The following NSUN4 variants were observed in gnomAD, a reference collection of about 807,000 sequenced individuals.
NSUN4 encodes 5-cytosine rRNA methyltransferase NSUN4.
In NSUN4, 31 loss-of-function variants were observed where a neutral mutation model predicts 43.8. The ratio of observed to expected loss-of-function variants is 0.71; its 90% CI spans 0.53 to 0.96. NSUN4 has a LOEUF of 0.96. Ranked by LOEUF, NSUN4 falls within the 40% of genes least tolerant of loss-of-function variation. NSUN4 has a pLI of 0.00. For missense variants in NSUN4, 439 were observed against 475.6 expected (o/e 0.92, Z 0.72); for synonymous variants, 167 against 184.1 (o/e 0.91, Z 0.75).
At chr1:46,377,791 AT>A in the NSUN4 span, among the ~76,000 whole-genome samples, 1 of 152,206 alleles carries the variant, frequency 6.6e-6, no homozygotes, top group Admixed American at 6.5e-5. Context: ...ACGGCAACCA[AT>A]GGGGTAGTAC....
chr1:46,354,611 G>C (rs962830753), intron 4 of NSUN4, among the ~76,000 whole-genome samples: 1 of 151,834 alleles, frequency 6.6e-6, no homozygotes, highest in Non-Finnish European at 1.5e-5. Flanking sequence ...ATCTTAGATA[G>C]GCTTGAGACT....
chr1:46,361,787 C>A lies in NSUN4; in HGVS notation c.1096C>A (p.Pro366Thr). 6.2e-7 allele frequency: 1 copy of A among 1,614,112 alleles called. No individual in the cohort carries two copies. Among genetic ancestry groups the A allele is most frequent in the South Asian group, 1.1e-5 (1 of 91,080 alleles). The change falls in exon 6 of 6, where the codon CCA (proline) becomes ACA (threonine). Residue 366 changes from proline (P) to threonine (T), a missense_variant. Transcript: ENST00000474844. The part of the protein sequence containing the change: ...SSCQVGELVI[P>T]NLMANFGPMY... ...CTGTCAGGTTGGGGAGCTGGTAATA[C>A]CAAACCTCATGGCCAATTTTGGCCC...
chr1:46,360,634 A>G (rs781063513), intron 4 of NSUN4, 70 bp from the exon 5 acceptor site: 4 of 1,539,480 alleles, frequency 2.6e-6, no homozygotes, highest in Non-Finnish European at 3.5e-6. Context: ...AGGGGCCTAA[A>G]ACATCTCTGG....
chr1:46,347,213 G>A (rs528331487), intron 3 of NSUN4, 138 bp downstream of exon 3: 36 of 820,274 alleles, frequency 4.4e-5, no homozygotes, highest in East Asian at 1.6e-4. Context: ...CGAGGGAGGC[G>A]GACCACCTGA....
chr1:46,376,765 G>GT, the NSUN4 span, among the ~76,000 whole-genome samples: 93 of 146,812 alleles, frequency 6.3e-4, no homozygotes, highest in Admixed American at 2.5e-3. Flanking sequence ...CACTTACTAG[G>GT]TTTTTTTTTT....
chr1:46,344,753 G>GT lies in NSUN4; in HGVS notation c.94-47dup, dbSNP rs1181169811. ...TGAGGTGGGGGTCAGGTAGTAGGGG[G>GT]TAGAGTCAAGACTGGGAAAACCAAT... On this transcript the variant is annotated intron_variant, in intron 1 of 5. Transcript: ENST00000474844. 4 of 1,530,170 alleles carry GT rather than the reference G, an allele frequency of 2.6e-6. No homozygotes were observed. The African/African-American group carries it at 5.4e-5, about 21-fold the overall frequency. The allele number at this position is 1,530,170 out of a possible 1,614,324, so 94.8% of individuals were successfully genotyped here. A position where few individuals can be genotyped will look rare whatever the true frequency, so the allele number is the denominator to read the frequency against.
In NSUN4 at chr1:46,364,388, G is replaced by A. The variant is rs1664059896; in HGVS notation, c.*2542G>A. 6.7e-6 allele frequency: 1 copy of A among 149,082 alleles called. No homozygotes were observed. The highest frequency in any genetic ancestry group is 1.5e-5 in the Non-Finnish European group (1 of 67,462). The allele number at this position is 149,082 out of a possible 1,614,324, so 9.2% of individuals were successfully genotyped here. A position where few individuals can be genotyped will look rare whatever the true frequency, so the allele number is the denominator to read the frequency against. On this transcript the variant is annotated 3_prime_UTR_variant, in exon 6 of 6. Transcript: ENST00000474844. ...ATTTATAATGTGCTGTTTAAAGTCT[G>A]AAGCTCGGCCAGGTGCGGTGGCTCA...
chr1:46,380,533 T>C, the NSUN4 span, among the ~76,000 whole-genome samples: 1 of 152,214 alleles, frequency 6.6e-6, no homozygotes. Flanking sequence ...ACTGGTTGGA[T>C]TGCATACATC....
rs368046158 is a variant in NSUN4, at chr1:46,342,846, C to G, written c.93+1927C>G. The stretch of plus-strand genomic sequence containing the variant: ...CACTCCCCAGCACACCCCTTCTGGC[C>G]AGCCCAAGCCCGCTAAGGCCCACAC... On this transcript the variant is annotated intron_variant, in intron 1 of 5. Coordinates refer to ENST00000474844, the MANE Select transcript of NSUN4 (RefSeq NM_199044.4). The G allele has an allele frequency of 4.0e-5, 16 of 399,876 alleles. No homozygotes were observed. In the East Asian group the frequency reaches 5.7e-4, roughly 14 times the overall value. The allele number at this position is 399,876 out of a possible 1,614,324, so 24.8% of individuals were successfully genotyped here.
Position 46,361,777 on chromosome 1 carries a change from G to A in NSUN4, c.1086G>A (p.Glu362=), listed in dbSNP as rs1343679194. The change falls in exon 6 of 6, where the codon GAG becomes GAA. Residue 362 remains glutamate, a synonymous_variant. Coordinates refer to ENST00000474844, the MANE Select transcript of NSUN4 (RefSeq NM_199044.4). ...FCFFSSCQVG[E]LVIPNLMANF... The stretch of plus-strand genomic sequence containing the variant: ...TCTTCTCATCCTGTCAGGTTGGGGA[G>A]CTGGTAATACCAAACCTCATGGCCA... 2 of 1,614,090 alleles carry A rather than the reference G, an allele frequency of 1.2e-6. No individual in the cohort carries two copies. Among genetic ancestry groups the A allele is most frequent in the Non-Finnish European group, 1.7e-6 (2 of 1,180,034 alleles).
At chr1:46,357,234 C>T (rs774417328) in intron 4 of NSUN4, among the ~76,000 whole-genome samples, 2 of 152,208 alleles carry the variant, frequency 1.3e-5, no homozygotes, top group Non-Finnish European at 2.9e-5. Flanking sequence ...GGCTGGAGTG[C>T]AATGGCACAA....
At chr1:46,360,207 C>T (rs6669025) in intron 4 of NSUN4, among the ~76,000 whole-genome samples, 22,023 of 108,046 alleles carry the variant, frequency 0.2, 2,491 homozygotes, top group Middle Eastern at 0.29. Context: ...CCAGCCTGGG[C>T]GACAGAGCAA....
chr1:46,372,456 T>C, the NSUN4 span, among the ~76,000 whole-genome samples: 1 of 152,038 alleles, frequency 6.6e-6, no homozygotes, highest in African/African-American at 2.4e-5. Flanking sequence ...TTTTTACTAT[T>C]TACATGGCCA....
chr1:46,358,425 T>TG (rs1357907497), intron 4 of NSUN4, among the ~76,000 whole-genome samples: 1 of 101,432 alleles, frequency 9.9e-6, no homozygotes, highest in Non-Finnish European at 1.9e-5. Context: ...TTTTTTGAGA[T>TG]GGAGTCTCAC....
At chr1:46,374,344 T>C in the NSUN4 span, among the ~76,000 whole-genome samples, 1 of 144,112 alleles carries the variant, frequency 6.9e-6, no homozygotes. Flanking sequence ...GCACGGTGGC[T>C]CATGCCTGTA....
the NSUN4 span, among the ~76,000 whole-genome samples, chr1:46,381,439 A>G: frequency 6.6e-6 from 1 of 152,180 alleles, no homozygotes; most frequent in Non-Finnish European, 1.5e-5. Context: ...CTGGCCTCCA[A>G]ACCCACTCCT....
rs112317978 is a variant in NSUN4, at chr1:46,349,253, C to A, written c.592+2178C>A. 6.2e-3 allele frequency among the ~76,000 whole-genome samples: 943 copies of A among 151,912 alleles called. 13 individuals carry two copies. Among genetic ancestry groups the A allele is most frequent in the African/African-American group, 0.021 (890 of 41,446 alleles). On this transcript the variant is annotated intron_variant, in intron 3 of 5. Coordinates refer to ENST00000474844, the MANE Select transcript of NSUN4 (RefSeq NM_199044.4). ...CTCCCGGGTTCATGCCATTCTCCTG[C>A]CTCAGCCTCCCAGATAGCTGGGACC... is the stretch of plus-strand genomic sequence containing the variant.
At chr1:46,382,658 G>A in the NSUN4 span, among the ~76,000 whole-genome samples, 1 of 150,400 alleles carries the variant, frequency 6.6e-6, no homozygotes, top group African/African-American at 2.5e-5. Flanking sequence ...CTGGAGTGCA[G>A]TGGCATGATC....
the NSUN4 span, among the ~76,000 whole-genome samples, chr1:46,383,712 C>T: frequency 6.6e-6 from 1 of 152,184 alleles, no homozygotes; most frequent in South Asian, 2.1e-4. Flanking sequence ...GCCTCTGCCT[C>T]CCAAAGTGCT....
Sources: gnomAD v4.1 joint callset for allele counts (sites outside exome capture counted in the v4.1 genomes callset) on GRCh38, gnomAD v4.1.1 for gene constraint, MANE v1.5 for transcripts, NCBI Gene and HGNC (gene_info 2026-07-23, HGNC 2026-07-21) for gene names.